Variants in GUCA1C observed in about 807,000 individuals in gnomAD.
GUCA1C encodes the protein guanylate cyclase activator 1C.
GUCA1C carries 15 observed loss-of-function variants against 16.2 expected under a neutral mutation model. That is an observed-to-expected ratio of 0.93 (90% CI 0.62 to 1.43). The LOEUF (loss-of-function observed/expected upper bound fraction) is 1.43. Ranked by LOEUF, GUCA1C falls within the 40% of genes most tolerant of loss-of-function variation. GUCA1C has a pLI of 0.00. For missense variants in GUCA1C, 275 were observed against 244.8 expected (o/e 1.12, Z -0.82); for synonymous variants, 78 against 85.4 (o/e 0.91, Z 0.48).
intron 1 of GUCA1C, among the ~76,000 whole-genome samples, chr3:108,939,324 CTTTTTT>C (rs549981150): frequency 1.1e-3 from 36 of 32,910 alleles, no homozygotes; most frequent in African/African-American, 2.8e-3. Context: ...TGCTTCAAGG[CTTTTTT>C]TTTTTTTTTT....
At chr3:108,933,284 T>C (rs959263759) in intron 1 of GUCA1C, among the ~76,000 whole-genome samples, 3 of 152,206 alleles carry the variant, frequency 2.0e-5, no homozygotes, top group Non-Finnish European at 4.4e-5. Flanking sequence ...TTACCCATTC[T>C]AGTGAGGCTC....
chr3:108,910,006 C>A (rs139400432), intron 3 of GUCA1C, among the ~76,000 whole-genome samples: 138 of 152,310 alleles, frequency 9.1e-4, no homozygotes, highest in African/African-American at 3.1e-3. Context: ...CTATAGCCGA[C>A]GACAGTGCTA....
At chr3:108,928,745 C>T (rs907346565) in intron 1 of GUCA1C, among the ~76,000 whole-genome samples, 1 of 152,136 alleles carries the variant, frequency 6.6e-6, no homozygotes. Flanking sequence ...GATTAGTTGA[C>T]TAGATATATG....
rs1946742119 is a variant in GUCA1C, at chr3:108,937,778, A to C, written c.204+15781T>G. ...AGCATCTAGAGTTCTAGTAATATTA[A>C]GACTACAGAAGGAGGGGAACGCGGT... On this transcript the variant is annotated intron_variant, in intron 1 of 3. Coordinates refer to ENST00000261047, the MANE Select transcript of GUCA1C (RefSeq NM_005459.4). 2.0e-5 allele frequency among the ~76,000 whole-genome samples: 3 copies of C among 152,210 alleles called. No homozygotes were observed. In the South Asian group the frequency reaches 6.2e-4, roughly 32 times the overall value.
chr3:108,954,499 C>T (rs2252967), upstream of GUCA1C, among the ~76,000 whole-genome samples: 110,932 of 151,918 alleles, frequency 0.73, 41,202 homozygotes, highest in Non-Finnish European at 0.78. Context: ...ACACATGCCA[C>T]TGGCCTGCCA....
rs1206336521 is a variant in GUCA1C at position 108,908,183 on chromosome 3, T to A, written c.469A>T (p.Asn157Tyr). The change falls in exon 4 of 4, where the codon AAT (asparagine) becomes TAT (tyrosine). Residue 157 changes from asparagine (N) to tyrosine (Y), a missense_variant. By Grantham distance (143) the Asn-to-Tyr change is moderately radical. Transcript: ENST00000261047. ...DGELTLEEFINGMAKDQDLLE... is the reference protein window; with the variant it reads ...DGELTLEEFIYGMAKDQDLLE... ...AGATCCTGATCTTTTGCCATGCCAT[T>A]GATAAATTCTTCTAAAGTCAATTCC... 1.2e-6 allele frequency: 2 copies of A among 1,613,338 alleles called. No homozygotes were observed. The highest frequency in any genetic ancestry group is 1.7e-6 in the Non-Finnish European group (2 of 1,179,480).
intron 1 of GUCA1C, among the ~76,000 whole-genome samples, chr3:108,933,698 G>T (rs538722294): frequency 6.6e-6 from 1 of 152,308 alleles, no homozygotes; most frequent in South Asian, 2.1e-4. Context: ...TGGTGAGGCT[G>T]CAGAGAAGAA....
chr3:108,929,116 G>T (rs1053695564), intron 1 of GUCA1C, among the ~76,000 whole-genome samples: 1 of 152,062 alleles, frequency 6.6e-6, no homozygotes, highest in Non-Finnish European at 1.5e-5. Context: ...TCTTTTATCA[G>T]AGTTTTGTAG....
chr3:108,921,090 A>G (rs9681040), intron 1 of GUCA1C, among the ~76,000 whole-genome samples: 53,165 of 152,034 alleles, frequency 0.35, 9,537 homozygotes, highest in African/African-American at 0.4. Flanking sequence ...TGCTGTGCCT[A>G]TTTAATCTTC....
intron 1 of GUCA1C, among the ~76,000 whole-genome samples, chr3:108,934,519 A>G (rs534696467): frequency 6.5e-4 from 99 of 152,314 alleles, no homozygotes; most frequent in African/African-American, 2.3e-3. Context: ...TACTGGGTAT[A>G]TATCCTAAAA....
intron 1 of GUCA1C, among the ~76,000 whole-genome samples, chr3:108,922,008 G>A (rs1342658190): frequency 6.6e-6 from 1 of 152,076 alleles, no homozygotes; most frequent in Non-Finnish European, 1.5e-5. Context: ...CCACATATGA[G>A]TGAGAACAGA....
At chr3:108,928,991 G>C (rs1472311173) in intron 1 of GUCA1C, among the ~76,000 whole-genome samples, 2 of 152,162 alleles carry the variant, frequency 1.3e-5, no homozygotes, top group African/African-American at 4.8e-5. Flanking sequence ...CTAGGATTTT[G>C]ATTTGAATTT....
At chr3:108,953,494 A>T in intron 1 of GUCA1C, 65 bp downstream of exon 1, 1 of 1,133,240 alleles carries the variant, frequency 8.8e-7, no homozygotes. Context: ...ACAGGAAAAA[A>T]AAAAAAAAGG....
rs1282614891 is a variant in GUCA1C at position 108,953,596 on chromosome 3, T to C, written c.167A>G (p.His56Arg). 2.5e-6 allele frequency: 4 copies of C among 1,611,572 alleles called. No individual in the cohort carries two copies. The highest frequency in any genetic ancestry group is 2.7e-5 in the African/African-American group (2 of 74,894). ...LQGLNQKANK[H>R]IDQVYNTFDT... ...AAAGGTATTATAAACTTGATCAATATGTTTATTGGCCTTCTGATTCAGACC... is the reference window on the plus strand; with the variant it reads ...AAAGGTATTATAAACTTGATCAATACGTTTATTGGCCTTCTGATTCAGACC... Residue 56 changes from histidine to arginine, a missense_variant, in exon 1 of 4, where the codon CAT becomes CGT. Transcript: ENST00000261047.
intron 1 of GUCA1C, among the ~76,000 whole-genome samples, chr3:108,923,901 T>C (rs987665899): frequency 7.2e-5 from 11 of 152,158 alleles, no homozygotes; most frequent in African/African-American, 2.7e-4. Flanking sequence ...GTATTTAACT[T>C]TTTGCAGCTA....
At chr3:108,949,885 T>C (rs1050835857) in intron 1 of GUCA1C, among the ~76,000 whole-genome samples, 51 of 152,210 alleles carry the variant, frequency 3.4e-4, no homozygotes, top group Non-Finnish European at 4.7e-4. Context: ...CTTACCTTTT[T>C]TTGTGGTGAG....
chr3:108,909,080 G>T (rs1465629904), intron 3 of GUCA1C, among the ~76,000 whole-genome samples: 1 of 152,182 alleles, frequency 6.6e-6, no homozygotes, highest in Non-Finnish European at 1.5e-5. Flanking sequence ...ACTGAAGTCA[G>T]GTGTTAGGCT....
intron 1 of GUCA1C, among the ~76,000 whole-genome samples, chr3:108,948,680 A>C (rs1167984751): frequency 6.6e-6 from 1 of 152,114 alleles, no homozygotes; most frequent in Non-Finnish European, 1.5e-5. Context: ...TGGTGTTAAG[A>C]AGCTCAATGC....
At position 108,926,817 on chromosome 3, in the gene GUCA1C, A is replaced by G. The variant is rs567465122; in HGVS notation, c.205-6232T>C. On this transcript the variant is annotated intron_variant, in intron 1 of 3. Coordinates refer to ENST00000261047, the MANE Select transcript of GUCA1C (RefSeq NM_005459.4). ...TTTCTTTTCATTGTGTTATTGTTAT[A>G]TAGGTCCTGTGAGATTTATGCTTTA... 6.9e-4 allele frequency among the ~76,000 whole-genome samples: 103 copies of G among 149,608 alleles called. No individual in the cohort carries two copies. The East Asian group carries it at 9.1e-3, about 13-fold the overall frequency.
Sources: gnomAD v4.1 joint callset for allele counts (sites outside exome capture counted in the v4.1 genomes callset) on GRCh38, gnomAD v4.1.1 for gene constraint, MANE v1.5 for transcripts, NCBI Gene and HGNC (gene_info 2026-07-23, HGNC 2026-07-21) for gene names.